Variants in SLC24A3 observed in about 807,000 individuals in gnomAD.
SLC24A3 encodes the protein solute carrier family 24 member 3, also known as sodium/potassium/calcium exchanger 3.
In SLC24A3, 28 loss-of-function variants were observed where a neutral mutation model predicts 75.8. The observed-to-expected ratio is 0.37, with a 90% confidence interval of 0.27 to 0.51. The LOEUF (loss-of-function observed/expected upper bound fraction) is 0.51. SLC24A3 is among the 20% of genes least tolerant of loss of function. SLC24A3 has a pLI of 0.94. For missense variants in SLC24A3, 663 were observed against 847.8 expected, an observed-to-expected ratio of 0.78 and a Z score of 2.71; for synonymous variants, 372 against 334.1, an observed-to-expected ratio of 1.11 and a Z score of -1.24.
intron 2 of SLC24A3, among the ~76,000 whole-genome samples, chr20:19,404,074 C>T (rs1405970634): frequency 6.6e-6 from 1 of 152,142 alleles, no homozygotes; most frequent in East Asian, 1.9e-4. Context: ...TCATCTGGCC[C>T]CACTGCCAAA....
intron 3 of SLC24A3, among the ~76,000 whole-genome samples, chr20:19,525,139 C>G (rs2122568718): frequency 6.6e-6 from 1 of 152,292 alleles, no homozygotes; most frequent in South Asian, 2.1e-4. Context: ...CAAGCCAGCC[C>G]CCCTTATATA....
chr20:19,354,493 A>G (rs753329035), intron 2 of SLC24A3, among the ~76,000 whole-genome samples: 83 of 152,232 alleles, frequency 5.5e-4, no homozygotes, highest in Admixed American at 1.2e-3. Flanking sequence ...TGTAAATTAT[A>G]CCTCAATAAA....
intron 2 of SLC24A3, among the ~76,000 whole-genome samples, chr20:19,411,364 A>G (rs1386481412): frequency 6.6e-6 from 1 of 152,148 alleles, no homozygotes; most frequent in African/African-American, 2.4e-5. Context: ...TTTTTCTAAC[A>G]CAAGTCTTCA....
chr20:19,490,743 G>T (rs1988197917), intron 2 of SLC24A3, among the ~76,000 whole-genome samples: 1 of 152,086 alleles, frequency 6.6e-6, no homozygotes, highest in African/African-American at 2.4e-5. Context: ...ATGTGCTCTT[G>T]GTACACACAT....
intron 1 of SLC24A3, among the ~76,000 whole-genome samples, chr20:19,236,531 TGCTTGAGGCCAAGA>T (rs1484904474): frequency 4.6e-5 from 7 of 152,044 alleles, no homozygotes; most frequent in Non-Finnish European, 7.4e-5. Flanking sequence ...GTGGGAGGAT[TGCTTGAGGCCAAGA>T]GCTTGAGACC....
intron 15 of SLC24A3, among the ~76,000 whole-genome samples, chr20:19,716,417 GTT>G (rs1555809102): frequency 1.6e-5 from 1 of 62,886 alleles, no homozygotes; most frequent in Non-Finnish European, 3.1e-5. Context: ...GATTAAAACT[GTT>G]TCTTTTTTTT....
chr20:19,271,571 A>C (rs1414563819), intron 1 of SLC24A3, among the ~76,000 whole-genome samples: 4 of 152,272 alleles, frequency 2.6e-5, no homozygotes, highest in African/African-American at 9.6e-5. Flanking sequence ...GCAATTGCAA[A>C]AATATGGAAT....
intron 12 of SLC24A3, among the ~76,000 whole-genome samples, chr20:19,690,725 C>A (rs1362738747): frequency 2.0e-5 from 3 of 152,092 alleles, no homozygotes; most frequent in African/African-American, 7.2e-5. Context: ...ATCTGGAAGC[C>A]CCTCTCCAAA....
In SLC24A3 at chr20:19,370,137, C is replaced by A. The variant is rs16980433; in HGVS notation, c.271+89050C>A. Among the ~76,000 whole-genome samples the A allele has an allele frequency of 3.6e-4, 55 of 152,192 alleles. No individual in the cohort carries two copies. The South Asian group carries it at 4.1e-3, about 11-fold the overall frequency. ...TTAAAAAAAAAGATAATTCCAAAAT[C>A]GCTGGGTGCAAAGCCATGGAAGTGG... On this transcript the variant is annotated intron_variant, in intron 2 of 16. Coordinates refer to ENST00000328041, the MANE Select transcript of SLC24A3 (RefSeq NM_020689.4).
chr20:19,354,115 T>A (rs1270225384), intron 2 of SLC24A3, among the ~76,000 whole-genome samples: 2 of 152,176 alleles, frequency 1.3e-5, no homozygotes, highest in African/African-American at 2.4e-5. Flanking sequence ...AGCTACTCAA[T>A]AGTTTCAAAG....
rs3790261 is a variant in SLC24A3, at chr20:19,580,020, G to A, written c.369G>A (p.Ala123=). 1,201,676 of 1,611,542 alleles carry A rather than the reference G, an allele frequency of 0.75. 451,913 individuals carry two copies. Among genetic ancestry groups the A allele is most frequent in the South Asian group, 0.76 (69,460 of 90,996 alleles). Residue 123 remains alanine (A), a synonymous_variant, in exon 4 of 17, where the codon GCG becomes GCA. Transcript: ENST00000328041. ...TCCAGGCCATATACATGTTCTATGC[G>A]CTGGCCATTGTGTGTGATGACTTCT... is the stretch of plus-strand genomic sequence containing the variant. The part of the protein sequence containing the change: ...HVLCAIYMFY[A]LAIVCDDFFV...
chr20:19,303,249 G>A (rs567471714), intron 2 of SLC24A3, among the ~76,000 whole-genome samples: 12 of 152,246 alleles, frequency 7.9e-5, no homozygotes, highest in African/African-American at 2.9e-4. Context: ...TCATAAGTGA[G>A]AATATGCAGT....
intron 15 of SLC24A3, among the ~76,000 whole-genome samples, chr20:19,706,742 G>GA (rs2032934416): frequency 6.6e-6 from 1 of 152,144 alleles, no homozygotes; most frequent in South Asian, 2.1e-4. Context: ...GTGCCTTTTA[G>GA]AAAGGACGTT....
At chr20:19,435,446 T>C (rs1967005677) in intron 2 of SLC24A3, among the ~76,000 whole-genome samples, 1 of 152,220 alleles carries the variant, frequency 6.6e-6, no homozygotes, top group Non-Finnish European at 1.5e-5. Context: ...TAGCATTAAG[T>C]ACAATTTCAA....
At chr20:19,271,014 G>A (rs887075733) in intron 1 of SLC24A3, among the ~76,000 whole-genome samples, 2 of 152,160 alleles carry the variant, frequency 1.3e-5, no homozygotes, top group African/African-American at 2.4e-5. Flanking sequence ...GTTGCCTTGG[G>A]GCTGAGCTTG....
At chr20:19,636,456 G>T (rs772531519) in intron 6 of SLC24A3, among the ~76,000 whole-genome samples, 1 of 152,210 alleles carries the variant, frequency 6.6e-6, no homozygotes, top group Non-Finnish European at 1.5e-5. Context: ...GTCTAGGGAG[G>T]TTTGTAACTG....
intron 6 of SLC24A3, among the ~76,000 whole-genome samples, chr20:19,627,351 CCTA>C (rs2031878212): frequency 6.6e-6 from 1 of 152,200 alleles, no homozygotes; most frequent in Non-Finnish European, 1.5e-5. Context: ...TCTTGACTCT[CCTA>C]CTATCTCCAT....
intron 2 of SLC24A3, among the ~76,000 whole-genome samples, chr20:19,387,880 C>T (rs1243294048): frequency 6.6e-6 from 1 of 152,162 alleles, no homozygotes; most frequent in Non-Finnish European, 1.5e-5. Context: ...TATTGATTTT[C>T]AGTCTGGATA....
intron 6 of SLC24A3, among the ~76,000 whole-genome samples, chr20:19,638,861 G>T (rs1273854896): frequency 1.3e-5 from 2 of 152,098 alleles, no homozygotes; most frequent in African/African-American, 2.4e-5. Flanking sequence ...GTGGGCTCGT[G>T]GGCTTGCTGG....
Sources: allele counts gnomAD v4.1 joint callset (sites outside exome capture counted in the v4.1 genomes callset), GRCh38; gene constraint gnomAD v4.1.1; transcripts MANE v1.5; gene names NCBI Gene and HGNC (gene_info 2026-07-23, HGNC 2026-07-21).